Variants in HECW1 observed in about 807,000 individuals in gnomAD.
The protein encoded by HECW1 is E3 ubiquitin-protein ligase HECW1.
HECW1 carries 61 observed loss-of-function variants against 182.3 expected under a neutral mutation model. The observed-to-expected ratio is 0.33, with a 90% CI of 0.27 to 0.41. HECW1 has a LOEUF of 0.41. Ranked by LOEUF, HECW1 falls within the 10% of genes least tolerant of loss-of-function variation. The pLI is 1.00. For synonymous variants in HECW1, 859 were observed against 832.6 expected (o/e 1.03, Z -0.55); for missense variants, 1,739 against 2,108.9 (o/e 0.82, Z 3.44).
chr7:43,559,648 G>A (rs2082145853), intron 29 of HECW1, among the ~76,000 whole-genome samples: 5 of 152,076 alleles, frequency 3.3e-5, no homozygotes, highest in African/African-American at 4.8e-5. Context: ...TGACTAGACC[G>A]GGGTCAGCAT....
At chr7:43,155,796 G>A (rs925074107) in intron 2 of HECW1, among the ~76,000 whole-genome samples, 5 of 152,196 alleles carry the variant, frequency 3.3e-5, no homozygotes, top group African/African-American at 1.2e-4. Flanking sequence ...GTGCTCACAG[G>A]CATGCTGAGC....
intron 3 of HECW1, among the ~76,000 whole-genome samples, chr7:43,308,000 T>C (rs1385552928): frequency 8.1e-6 from 1 of 123,454 alleles, no homozygotes; most frequent in East Asian, 2.1e-4. Context: ...TAATATATAA[T>C]ATATAATATA....
At chr7:43,188,702 CAT>C (rs772056574) in intron 2 of HECW1, among the ~76,000 whole-genome samples, 5 of 152,152 alleles carry the variant, frequency 3.3e-5, no homozygotes, top group Admixed American at 6.5e-5. Context: ...GGAAATGACA[CAT>C]GTTACTTTGG....
At chr7:43,532,803 T>C (rs2081045457) in intron 24 of HECW1, among the ~76,000 whole-genome samples, 1 of 151,966 alleles carries the variant, frequency 6.6e-6, no homozygotes, top group South Asian at 2.1e-4. Context: ...TTGGTGGGAG[T>C]TTAAGATGAT....
intron 8 of HECW1, among the ~76,000 whole-genome samples, chr7:43,431,831 C>T (rs1449110473): frequency 6.6e-6 from 1 of 152,106 alleles, no homozygotes; most frequent in African/African-American, 2.4e-5. Flanking sequence ...CATGGCACCC[C>T]TCTACCTGGA....
At chr7:43,278,304 C>T (rs1028630474) in intron 3 of HECW1, among the ~76,000 whole-genome samples, 3 of 152,258 alleles carry the variant, frequency 2.0e-5, no homozygotes, top group African/African-American at 7.2e-5. Context: ...GTGGTGTCAT[C>T]CTTGACTCAT....
At chr7:43,294,436 A>G (rs939192650) in intron 3 of HECW1, among the ~76,000 whole-genome samples, 13 of 152,164 alleles carry the variant, frequency 8.5e-5, no homozygotes, top group African/African-American at 3.1e-4. Flanking sequence ...AGAGAGGTGA[A>G]GTGACTCAGC....
chr7:43,508,053 C>T lies in HECW1; in HGVS notation c.3788C>T (p.Thr1263Ile). 6.2e-7 allele frequency: 1 copy of T among 1,614,022 alleles called. No homozygotes were observed. Among genetic ancestry groups the T allele is most frequent in the South Asian group, 1.1e-5 (1 of 91,076 alleles). Reference sequence around the variant, plus strand: ...CGCCGGGATCATTTGTTGGAGGGAACCTTCAATCAGGTGATGGCCTATTCG... The same window carrying T: ...CGCCGGGATCATTTGTTGGAGGGAATCTTCAATCAGGTGATGGCCTATTCG... ...IIRRDHLLEG[T>I]FNQVMAYSRK... is the part of the protein sequence containing the mutation. The change falls in exon 23 of 30, where the codon ACC (threonine) becomes ATC (isoleucine). Residue 1263 changes from threonine (T) to isoleucine (I), a missense_variant. Transcript: ENST00000395891.
chr7:43,445,535 A>G lies in HECW1; in HGVS notation c.2363A>G (p.Glu788Gly), dbSNP rs755058601. The stretch of plus-strand genomic sequence containing the variant: ...GTGGAAAGAAGCCCGGAAGGTCTGG[A>G]ATCCCCCGTGGCAGGTCCAAGCAAT... ...GHVERSPEGL[E>G]SPVAGPSNRR... The change falls in exon 11 of 30, where the codon GAA becomes GGA. Residue 788 changes from glutamate to glycine, a missense_variant. By Grantham distance (98) the Glu-to-Gly change is moderately conservative (BLOSUM62 -2). Coordinates refer to ENST00000395891, the MANE Select transcript of HECW1 (RefSeq NM_015052.5). The G allele has an allele frequency of 2.7e-5, 44 of 1,605,830 alleles. No individual in the cohort carries two copies. The highest frequency in any genetic ancestry group is 3.7e-5 in the Non-Finnish European group (44 of 1,174,784).
intron 2 of HECW1, among the ~76,000 whole-genome samples, chr7:43,216,806 C>A (rs1057311291): frequency 6.6e-6 from 1 of 152,166 alleles, no homozygotes; most frequent in African/African-American, 2.4e-5. Flanking sequence ...AGGCACCCAC[C>A]ACCATGCTCG....
chr7:43,289,907 T>C (rs962297480), intron 3 of HECW1, among the ~76,000 whole-genome samples: 19 of 152,208 alleles, frequency 1.2e-4, no homozygotes, highest in African/African-American at 4.3e-4. Flanking sequence ...AGGGATTCTT[T>C]AGTTGACAAT....
intron 2 of HECW1, among the ~76,000 whole-genome samples, chr7:43,155,833 G>A (rs1244910311): frequency 2.0e-5 from 3 of 152,146 alleles, no homozygotes; most frequent in African/African-American, 7.2e-5. Context: ...ACCTTCCCAG[G>A]TCCAGTACAA....
chr7:43,163,950 G>A (rs561338070), intron 2 of HECW1, among the ~76,000 whole-genome samples: 45 of 152,338 alleles, frequency 3.0e-4, no homozygotes, highest in African/African-American at 1.0e-3. Context: ...TAGAATCTCA[G>A]TCTAAGAGAA....
chr7:43,113,119 C>T (rs993559794), intron 1 of HECW1, among the ~76,000 whole-genome samples, 182 bp downstream of exon 1: 1 of 152,164 alleles, frequency 6.6e-6, no homozygotes, highest in Non-Finnish European at 1.5e-5. Context: ...GTCGCGCCGC[C>T]GCCCGGTCCG....
chr7:43,494,163 C>T (rs2079032347), intron 19 of HECW1, among the ~76,000 whole-genome samples: 1 of 152,078 alleles, frequency 6.6e-6, no homozygotes, highest in African/African-American at 2.4e-5. Context: ...CCTCCAACAC[C>T]CCCTCATTGA....
intron 2 of HECW1, among the ~76,000 whole-genome samples, chr7:43,214,467 A>G (rs954464801): frequency 2.0e-5 from 3 of 152,182 alleles, no homozygotes; most frequent in Non-Finnish European, 4.4e-5. Flanking sequence ...CTAGAGTTTC[A>G]TGTGTGTGTC....
chr7:43,558,103 C>T (rs773564372), intron 29 of HECW1, among the ~76,000 whole-genome samples: 2 of 152,030 alleles, frequency 1.3e-5, no homozygotes, highest in African/African-American at 2.4e-5. Flanking sequence ...CACTAGGACC[C>T]GGAGGCAGCA....
In HECW1 at chr7:43,563,217, G is replaced by A. The variant is rs2082256284; in HGVS notation, c.*1291G>A. ...TGATTTGTATCAAAATAAATATCCA[G>A]TTTCTTTTAGCATTCAGTGAAAACA... On this transcript the variant is annotated 3_prime_UTR_variant, in exon 30 of 30. Coordinates refer to ENST00000395891, the MANE Select transcript of HECW1 (RefSeq NM_015052.5). 1 of 205,094 alleles carries A rather than the reference G, an allele frequency of 4.9e-6. No homozygotes were observed. 12.7% of individuals were successfully genotyped at this position (205,094 alleles called of 1,614,324 possible).
rs2076571233 is a variant in HECW1, at chr7:43,432,164, G to C, written c.802-5839G>C. On this transcript the variant is annotated intron_variant, in intron 8 of 29. Coordinates refer to ENST00000395891, the MANE Select transcript of HECW1 (RefSeq NM_015052.5). This position sits in a 1 kb window ranked among gnomAD's most constrained non-coding sequence, Gnocchi z 4.1. ...TTATTTCTTTTTTTTTTTTGAGACG[G>C]AGTCTCGCTCTGTCGCCCGGGCTGG... Among the ~76,000 whole-genome samples the C allele has an allele frequency of 6.8e-6, 1 of 146,416 alleles. No homozygotes were observed. Among genetic ancestry groups the C allele is most frequent in the African/African-American group, 2.6e-5 (1 of 39,072 alleles).
Sources: allele counts gnomAD v4.1 joint callset (sites outside exome capture counted in the v4.1 genomes callset), GRCh38; gene constraint gnomAD v4.1.1; non-coding constraint Gnocchi (gnomAD v3.1); transcripts MANE v1.5; gene names NCBI Gene and HGNC (gene_info 2026-07-23, HGNC 2026-07-21).